The following SNTG2 variants were observed in gnomAD, a reference collection of about 807,000 sequenced individuals.
SNTG2 encodes the protein gamma-2-syntrophin.
In SNTG2, 74 loss-of-function variants were observed where a neutral mutation model predicts 70.9. The ratio of observed to expected loss-of-function variants is 1.04; its 90% CI spans 0.86 to 1.27. The LOEUF (loss-of-function observed/expected upper bound fraction) is 1.27, where lower values mean the gene tolerates loss of function less well. SNTG2 is among the 50% of genes most tolerant of loss of function. The pLI, the probability that SNTG2 is intolerant of heterozygous loss-of-function variation, is 0.00. For synonymous variants in SNTG2, 278 were observed against 273.8 expected, an observed-to-expected ratio of 1.02 and a Z score of -0.15; for missense variants, 717 against 690.7, an observed-to-expected ratio of 1.04 and a Z score of -0.43.
intron 1 of SNTG2, among the ~76,000 whole-genome samples, chr2:1,079,939 C>T (rs1199512938): frequency 6.6e-6 from 1 of 152,228 alleles, no homozygotes; most frequent in Non-Finnish European, 1.5e-5. Flanking sequence ...GGCTGCACTA[C>T]CTGAGCTTCT....
chr2:1,040,957 T>C (rs59262404), intron 1 of SNTG2, among the ~76,000 whole-genome samples: 36,102 of 152,116 alleles, frequency 0.24, 4,475 homozygotes, highest in Middle Eastern at 0.33. Flanking sequence ...AGTGAAGCCC[T>C]CAGTCAAGTG....
At chr2:1,142,617 G>GTGTGGCCACTGTAAGTC (rs2147780019) in intron 6 of SNTG2, among the ~76,000 whole-genome samples, 2 of 152,200 alleles carry the variant, frequency 1.3e-5, no homozygotes, top group Admixed American at 1.3e-4. Flanking sequence ...GGAAGCTATG[G>GTGTGGCCACTGTAAGTC]CAACTCAACC....
At chr2:1,245,215 T>G (rs928375467) in intron 11 of SNTG2, among the ~76,000 whole-genome samples, 1 of 151,078 alleles carries the variant, frequency 6.6e-6, no homozygotes, top group Non-Finnish European at 1.5e-5. Flanking sequence ...GGCACATGTA[T>G]ACATATGTAA....
At chr2:1,195,991 A>G (rs1299188830) in intron 8 of SNTG2, among the ~76,000 whole-genome samples, 1 of 152,180 alleles carries the variant, frequency 6.6e-6, no homozygotes, top group Admixed American at 6.5e-5. Context: ...GGCCTACAGT[A>G]TATAATAGTT....
intron 16 of SNTG2, chr2:1,346,689 G>T (rs1343484231): frequency 6.6e-6 from 1 of 152,280 alleles, no homozygotes; most frequent in Non-Finnish European, 1.5e-5. Context: ...TCCCAAGAAG[G>T]TGCACCTGAG....
At chr2:1,136,349 G>A (rs1349689719) in intron 4 of SNTG2, among the ~76,000 whole-genome samples, 3 of 151,672 alleles carry the variant, frequency 2.0e-5, no homozygotes, top group African/African-American at 4.8e-5. Flanking sequence ...GAGAGACACC[G>A]AGAGGGAGGG....
chr2:1,208,980 TG>T, intron 8 of SNTG2, 122 bp from the exon 9 acceptor site: 1 of 1,162,476 alleles, frequency 8.6e-7, no homozygotes, highest in Non-Finnish European at 1.2e-6. Context: ...CAACCTCACT[TG>T]CTTTTTTATC....
chr2:1,103,435 G>A (rs1428704282), intron 4 of SNTG2: 1 of 259,390 alleles, frequency 3.9e-6, no homozygotes. Flanking sequence ...CCAGGCTGGA[G>A]TGCAGTGGTG....
At chr2:1,079,518 C>T (rs561591410) in intron 1 of SNTG2, among the ~76,000 whole-genome samples, 13 of 152,292 alleles carry the variant, frequency 8.5e-5, no homozygotes, top group Admixed American at 2.0e-4. Flanking sequence ...TCATCTGGTT[C>T]GCACGGTGTA....
chr2:1,189,564 C>CTTT (rs370771654), intron 8 of SNTG2, among the ~76,000 whole-genome samples: 2,211 of 148,094 alleles, frequency 0.015, 53 homozygotes, highest in African/African-American at 0.048. Context: ...GGGACTCTAA[C>CTTT]TTTTTTTTTT....
At chr2:1,048,311 T>TGACATCCC (rs1661858226) in intron 1 of SNTG2, among the ~76,000 whole-genome samples, 1 of 152,200 alleles carries the variant, frequency 6.6e-6, no homozygotes, top group South Asian at 2.1e-4. Flanking sequence ...TGGCCAGCGC[T>TGACATCCC]GACATCCCGA....
intron 14 of SNTG2, among the ~76,000 whole-genome samples, chr2:1,269,073 A>G (rs1046397286): frequency 6.6e-6 from 1 of 152,192 alleles, no homozygotes; most frequent in African/African-American, 2.4e-5. Flanking sequence ...AAGGTTAGTA[A>G]TTTCATCTAG....
chr2:1,204,058 T>C (rs1251909732), intron 8 of SNTG2, among the ~76,000 whole-genome samples: 1 of 152,164 alleles, frequency 6.6e-6, no homozygotes, highest in African/African-American at 2.4e-5. Flanking sequence ...CATCATTCGA[T>C]TAATACCGAG....
At chr2:966,899 A>T (rs1015906689) in intron 1 of SNTG2, among the ~76,000 whole-genome samples, 1 of 152,176 alleles carries the variant, frequency 6.6e-6, no homozygotes, top group Admixed American at 6.5e-5. Flanking sequence ...GTGAGCCGAG[A>T]TCGCGCCACT....
At chr2:951,093 T>G in intron 1 of SNTG2, 25 bp downstream of exon 1, 1 of 1,213,228 alleles carries the variant, frequency 8.2e-7, no homozygotes, top group South Asian at 4.0e-5. Flanking sequence ...TCAGCGCCCC[T>G]TCACCTCCGG....
At chr2:1,201,999 T>TTAAAAA (rs2147970448) in intron 8 of SNTG2, among the ~76,000 whole-genome samples, 1 of 152,084 alleles carries the variant, frequency 6.6e-6, no homozygotes, top group African/African-American at 2.4e-5. Flanking sequence ...AAGCTTATTT[T>TTAAAAA]TAAAAATAAA....
At chr2:979,231 TATA>T (rs1359558929) in intron 1 of SNTG2, among the ~76,000 whole-genome samples, 2 of 152,214 alleles carry the variant, frequency 1.3e-5, no homozygotes, top group Non-Finnish European at 2.9e-5. Flanking sequence ...ATTTCTGTGG[TATA>T]AATACATCTA....
rs193181631 is a variant in SNTG2, at chr2:1,076,521, A to T, written c.73-6997A>T. ...TTGAATCTATAGAATAGCAATAATT[A>T]TTTGGTGAGTGTTATGCTGTGTGAT... On this transcript the variant is annotated intron_variant, in intron 1 of 16. Coordinates refer to ENST00000308624, the MANE Select transcript of SNTG2 (RefSeq NM_018968.4). Among the ~76,000 whole-genome samples, 3 of 152,318 alleles carry T rather than the reference A, an allele frequency of 2.0e-5. No individual in the cohort carries two copies. In the East Asian group the frequency reaches 5.8e-4, roughly 29 times the overall value.
At chr2:1,016,082 G>A (rs764946548) in intron 1 of SNTG2, among the ~76,000 whole-genome samples, 38 of 152,018 alleles carry the variant, frequency 2.5e-4, no homozygotes, top group Middle Eastern at 3.4e-3. Flanking sequence ...ATTAATTGGG[G>A]CTATCTCCAT....
Sources: gnomAD v4.1 joint callset for allele counts (sites outside exome capture counted in the v4.1 genomes callset) on GRCh38, gnomAD v4.1.1 for gene constraint, MANE v1.5 for transcripts, NCBI Gene and HGNC (gene_info 2026-07-23, HGNC 2026-07-21) for gene names.